The following ARNT2 variants were observed in gnomAD, a reference collection of about 807,000 sequenced individuals.
The protein encoded by ARNT2 is aryl hydrocarbon receptor nuclear translocator 2.
In ARNT2, 36 loss-of-function variants were observed where a neutral mutation model predicts 91.7. That is an observed-to-expected ratio of 0.39 (90% confidence interval 0.30 to 0.52). ARNT2 has a LOEUF of 0.52. Among genes scored for constraint, ARNT2 ranks in the 20% least tolerant of loss-of-function variants. The pLI is 0.72. For missense variants in ARNT2, 775 were observed against 939.3 expected (o/e 0.83, Z 2.29); for synonymous variants, 365 against 347.1 (o/e 1.05, Z -0.57).
At chr15:80,448,357 A>C (rs1273072765) in intron 1 of ARNT2, among the ~76,000 whole-genome samples, 1 of 152,236 alleles carries the variant, frequency 6.6e-6, no homozygotes, top group African/African-American at 2.4e-5. Context: ...CTAGACATGA[A>C]ATCAGACAAG....
rs139137025 is a variant in ARNT2, at chr15:80,551,254, C to T, written c.933C>T (p.Leu311=). 76 of 1,613,896 alleles carry T rather than the reference C, an allele frequency of 4.7e-5. No homozygotes were observed. The African/African-American group carries it at 8.0e-4, about 17-fold the overall frequency. The change falls in exon 9 of 19, where the codon CTC becomes CTT. Residue 311 remains leucine (L), a synonymous_variant. Transcript: ENST00000303329. ...ADVGQGSKYC[L]VAIGRLQVTS... Reference sequence around the variant, plus strand: ...TGGGACAAGGCAGTAAATATTGCCTCGTGGCAATTGGGAGACTCCAGGTAA... The same window carrying T: ...TGGGACAAGGCAGTAAATATTGCCTTGTGGCAATTGGGAGACTCCAGGTAA...
At chr15:80,512,247 C>T (rs1043727322) in intron 6 of ARNT2, among the ~76,000 whole-genome samples, 39 of 152,236 alleles carry the variant, frequency 2.6e-4, no homozygotes, top group Admixed American at 5.9e-4. Context: ...CTCTCACCCA[C>T]TCCTTGGGCT....
rs1342124516 is a variant in ARNT2, at chr15:80,475,148, C to T, written c.547C>T (p.Leu183=). The T allele has an allele frequency of 6.2e-7, 1 of 1,614,204 alleles. No homozygotes were observed. The highest frequency in any genetic ancestry group is 2.2e-5 in the East Asian group (1 of 44,886). ...QPQSEWFGST[L]YEQVHPDDVE... is the part of the protein sequence containing the mutation. ...CCAGTCAGAGTGGTTTGGGAGCACA[C>T]TGTATGAACAGGTGCATCCTGATGA... Residue 183 remains leucine (L), a synonymous_variant, in exon 5 of 19, where the codon CTG becomes TTG. Transcript: ENST00000303329.
rs780351228 is a variant in ARNT2 at position 80,475,229 on chromosome 15, T to C, written c.622+6T>C. The C allele has an allele frequency of 4.3e-6, 7 of 1,613,666 alleles. No individual in the cohort carries two copies. Among genetic ancestry groups the C allele is most frequent in the African/African-American group, 1.3e-5 (1 of 75,030 alleles). The stretch of plus-strand genomic sequence containing the variant: ...CTCAGAAAACTCAATGACAGGTCAG[T>C]GGAGCTCCCTTTATGAGGCTGTTTG... On this transcript the variant is annotated splice_donor_region_variant and intron_variant, in intron 5 of 18. Transcript: ENST00000303329.
At chr15:80,475,491 CA>C in intron 5 of ARNT2, 1 of 327,442 alleles carries the variant, frequency 3.1e-6, no homozygotes, top group South Asian at 3.0e-5. Flanking sequence ...ACCTGGGAGG[CA>C]GAGCTTGCAG....
At chr15:80,575,417 A>T (rs1307964918) in intron 14 of ARNT2, among the ~76,000 whole-genome samples, 1 of 152,148 alleles carries the variant, frequency 6.6e-6, no homozygotes, top group Non-Finnish European at 1.5e-5. Context: ...GGGCACTGGG[A>T]GGGCACTGCA....
chr15:80,479,277 G>A (rs1896851519), intron 5 of ARNT2, among the ~76,000 whole-genome samples: 1 of 152,212 alleles, frequency 6.6e-6, no homozygotes, highest in Non-Finnish European at 1.5e-5. Flanking sequence ...GGTGATGGTG[G>A]AGTTCTTTGT....
intron 5 of ARNT2, among the ~76,000 whole-genome samples, chr15:80,490,885 A>T (rs548224123): frequency 5.3e-5 from 8 of 152,380 alleles, no homozygotes; most frequent in Admixed American, 1.3e-4. Context: ...TAATGAATAT[A>T]GAGTCAAATT....
Position 80,575,028 on chromosome 15 carries a change from G to A in ARNT2, c.1431G>A (p.Gly477=). ...PNLPAGVHEA[G]KSVEKADAIF... ...TACCAGCCGGTGTTCATGAGGCCGG[G>A]AAGTCCGTGGAAAAGGCGGATGCAA... The change falls in exon 14 of 19, where the codon GGG becomes GGA. Residue 477 remains glycine (G), a synonymous_variant. Coordinates refer to ENST00000303329, the MANE Select transcript of ARNT2 (RefSeq NM_014862.4). 1.2e-6 allele frequency: 2 copies of A among 1,614,234 alleles called. No homozygotes were observed. Among genetic ancestry groups the A allele is most frequent in the Non-Finnish European group, 8.5e-7 (1 of 1,180,040 alleles).
intron 3 of ARNT2, among the ~76,000 whole-genome samples, chr15:80,460,672 A>G (rs1896539711): frequency 6.6e-6 from 1 of 152,228 alleles, no homozygotes; most frequent in Non-Finnish European, 1.5e-5. Flanking sequence ...CGGGGGACAG[A>G]AGCCAGACTG....
chr15:80,508,214 G>T lies in ARNT2; in HGVS notation c.681G>T (p.Met227Ile), dbSNP rs774277789. The T allele has an allele frequency of 1.9e-6, 3 of 1,614,078 alleles. No homozygotes were observed. The highest frequency in any genetic ancestry group is 2.7e-5 in the African/African-American group (2 of 74,928). ...TVKKEGQQSSMRMCMGSRRSF... is the reference protein window; with the variant it reads ...TVKKEGQQSSIRMCMGSRRSF... ...AGAAAGAAGGGCAGCAGTCATCCAT[G>T]AGGATGTGCATGGGCTCGCGGCGGT... The change falls in exon 6 of 19, where the codon ATG becomes ATT. Residue 227 changes from methionine to isoleucine, a missense_variant. Physicochemically the swap from Met to Ile is conservative, Grantham distance 10. This residue lies in a region of ARNT2 where 285 missense variants were observed against 327.2 expected (regional missense o/e 0.87). Coordinates refer to ENST00000303329, the MANE Select transcript of ARNT2 (RefSeq NM_014862.4).
At chr15:80,484,393 G>A (rs917303379) in intron 5 of ARNT2, among the ~76,000 whole-genome samples, 3 of 152,208 alleles carry the variant, frequency 2.0e-5, no homozygotes, top group Admixed American at 1.3e-4. Flanking sequence ...ATAAATGCAC[G>A]TGAGAATGAA....
At chr15:80,408,649 GCTGGAACAGCCA>G (rs1895638339) in intron 1 of ARNT2, among the ~76,000 whole-genome samples, 1 of 152,148 alleles carries the variant, frequency 6.6e-6, no homozygotes, top group Non-Finnish European at 1.5e-5. Flanking sequence ...CTTGAGTAGG[GCTGGAACAGCCA>G]AACCAGCTGG....
chr15:80,497,958 C>T (rs1447783588), intron 5 of ARNT2, among the ~76,000 whole-genome samples: 3 of 152,170 alleles, frequency 2.0e-5, no homozygotes, highest in Non-Finnish European at 4.4e-5. Context: ...CAAGTGTTTG[C>T]AAGAAGCTGA....
At chr15:80,410,611 T>C (rs913846906) in intron 1 of ARNT2, among the ~76,000 whole-genome samples, 1 of 152,176 alleles carries the variant, frequency 6.6e-6, no homozygotes, top group African/African-American at 2.4e-5. Flanking sequence ...TCACAGAACA[T>C]AGAGCTTTTG....
At chr15:80,574,331 C>A in intron 13 of ARNT2, 111 bp downstream of exon 13, 2 of 1,049,716 alleles carry the variant, frequency 1.9e-6, no homozygotes, top group East Asian at 2.4e-5. Context: ...TGCCCCATCC[C>A]CCCACTACAA....
chr15:80,461,488 G>C (rs1595972895), intron 3 of ARNT2, among the ~76,000 whole-genome samples: 1 of 152,322 alleles, frequency 6.6e-6, no homozygotes, highest in African/African-American at 2.4e-5. Context: ...GATTTTGTGG[G>C]AGTTTGAGAG....
intron 8 of ARNT2, among the ~76,000 whole-genome samples, chr15:80,548,967 C>T (rs770050766): frequency 5.9e-5 from 9 of 152,124 alleles, no homozygotes; most frequent in East Asian, 1.9e-4. Context: ...AAAAATACAA[C>T]GAATAGTCCT....
chr15:80,526,575 C>T (rs1376826477), intron 8 of ARNT2, among the ~76,000 whole-genome samples: 1 of 152,222 alleles, frequency 6.6e-6, no homozygotes, highest in Non-Finnish European at 1.5e-5. Flanking sequence ...CAAGGTCTGA[C>T]CCTGGCAGCT....
Sources: gnomAD v4.1 joint callset for allele counts (sites outside exome capture counted in the v4.1 genomes callset) on GRCh38, gnomAD v4.1.1 for gene constraint, gnomAD v4.1.1 regional missense constraint, MANE v1.5 for transcripts, NCBI Gene and HGNC (gene_info 2026-07-23, HGNC 2026-07-21) for gene names.